DCAF6: variants seen among roughly 807,000 people sequenced by gnomAD.
DCAF6 encodes DDB1- and CUL4-associated factor 6.
DCAF6 carries 54 observed loss-of-function variants against 125.1 expected under a neutral mutation model. The ratio of observed to expected loss-of-function variants is 0.43; its 90% CI spans 0.35 to 0.54. DCAF6 has a LOEUF of 0.54. DCAF6 is among the 20% of genes least tolerant of loss of function. The pLI is 0.01. For missense variants in DCAF6, 934 were observed against 1,161.7 expected, an observed-to-expected ratio of 0.80 and a Z score of 2.85; for synonymous variants, 371 against 390.4, an observed-to-expected ratio of 0.95 and a Z score of 0.58.
the DCAF6 span, among the ~76,000 whole-genome samples, chr1:167,903,719 T>C: frequency 2.6e-5 from 4 of 152,230 alleles, no homozygotes; most frequent in Non-Finnish European, 5.9e-5. Context: ...TTATATTTAT[T>C]TCTTCAGTTA....
chr1:167,935,801 TG>T, upstream of DCAF6: 1 of 1,558,532 alleles, frequency 6.4e-7, no homozygotes, highest in South Asian at 1.2e-5. Context: ...GAGGAGCCGG[TG>T]GTAGGTGGCC....
the DCAF6 span, among the ~76,000 whole-genome samples, chr1:167,901,068 T>A: frequency 6.6e-6 from 1 of 152,230 alleles, no homozygotes; most frequent in Non-Finnish European, 1.5e-5. Flanking sequence ...ATGATGCCTG[T>A]ATCTCAGGAC....
At chr1:168,044,110 A>G (rs766604928) in intron 14 of DCAF6, among the ~76,000 whole-genome samples, 8 of 152,108 alleles carry the variant, frequency 5.3e-5, no homozygotes, top group Non-Finnish European at 1.0e-4. Context: ...TGTTTGTACA[A>G]TTTTGTGTGC....
At chr1:168,038,259 G>GA in intron 12 of DCAF6, 112 bp from the exon 13 acceptor site, 1 of 772,966 alleles carries the variant, frequency 1.3e-6, no homozygotes, top group Non-Finnish European at 2.1e-6. Flanking sequence ...TAACAGATGT[G>GA]AAAAAAGAAT....
At chr1:167,967,826 G>A (rs549244130) in intron 3 of DCAF6, among the ~76,000 whole-genome samples, 7 of 147,898 alleles carry the variant, frequency 4.7e-5, no homozygotes, top group East Asian at 2.0e-4. Context: ...TGCCTCCTGC[G>A]TTCAAGCGAT....
rs556658964 is a variant in DCAF6 at position 167,954,054 on chromosome 1, T to C, written c.159+2193T>C. 3.3e-5 allele frequency among the ~76,000 whole-genome samples: 5 copies of C among 152,284 alleles called. No homozygotes were observed. In the South Asian group the frequency reaches 1.0e-3, roughly 32 times the overall value. The stretch of plus-strand genomic sequence containing the variant: ...CTGAGTCTCACTCCGTCTTCCAGGC[T>C]GGAGTGGAGTGGCACAATCTCAGCT... On this transcript the variant is annotated intron_variant, in intron 2 of 21. Transcript: ENST00000367840.
At chr1:167,963,129 T>C (rs7535984) in intron 2 of DCAF6, among the ~76,000 whole-genome samples, 20,990 of 151,814 alleles carry the variant, frequency 0.14, 1,925 homozygotes, top group African/African-American at 0.26. Context: ...GCATAGTGGC[T>C]GGCAGGCACC....
the DCAF6 span, among the ~76,000 whole-genome samples, chr1:167,880,873 C>T: frequency 6.6e-6 from 1 of 152,190 alleles, no homozygotes; most frequent in Non-Finnish European, 1.5e-5. Context: ...CTTCGGCCTA[C>T]TCTCTCCTGT....
intron 1 of DCAF6, among the ~76,000 whole-genome samples, chr1:167,945,962 T>G (rs1037652870): frequency 6.6e-6 from 1 of 150,712 alleles, no homozygotes; most frequent in Non-Finnish European, 1.5e-5. Flanking sequence ...AGGGTTTTTT[T>G]TTTTTTTTTT....
intron 1 of DCAF6, among the ~76,000 whole-genome samples, chr1:167,942,645 T>C (rs897083162): frequency 2.0e-5 from 3 of 152,190 alleles, no homozygotes; most frequent in Non-Finnish European, 2.9e-5. Context: ...ACTTTTTTTT[T>C]CCTGGAGATT....
chr1:167,935,342 A>G (rs1671078968), upstream of DCAF6, among the ~76,000 whole-genome samples: 2 of 152,110 alleles, frequency 1.3e-5, no homozygotes, highest in Admixed American at 6.6e-5. Context: ...GCGACAAACC[A>G]CCCATCCAGC....
intron 13 of DCAF6, 50 bp from the exon 14 acceptor site, chr1:168,042,975 T>A (rs372136339): frequency 7.4e-7 from 1 of 1,347,138 alleles, no homozygotes; most frequent in African/African-American, 1.4e-5. Context: ...TCCTAAAAGA[T>A]CATATTGATT....
the DCAF6 span, among the ~76,000 whole-genome samples, chr1:167,884,171 A>G: frequency 1.3e-5 from 2 of 152,234 alleles, no homozygotes; most frequent in East Asian, 1.9e-4. Flanking sequence ...TCCCACTGTT[A>G]TAAAGAACTA....
chr1:168,019,516 T>G (rs1426248887), intron 11 of DCAF6: 1 of 454,648 alleles, frequency 2.2e-6, no homozygotes, highest in Non-Finnish European at 4.4e-6. Context: ...ATGGCTGATT[T>G]TAAGCCCAAC....
chr1:167,972,404 A>G (rs1677472873), intron 3 of DCAF6, among the ~76,000 whole-genome samples: 1 of 152,246 alleles, frequency 6.6e-6, no homozygotes, highest in Non-Finnish European at 1.5e-5. Context: ...GATAGGAATC[A>G]GATAAGCTTA....
intron 3 of DCAF6, among the ~76,000 whole-genome samples, chr1:167,973,293 T>C (rs1405957423): frequency 6.6e-6 from 1 of 152,242 alleles, no homozygotes; most frequent in South Asian, 2.1e-4. Flanking sequence ...TCTCAGGTGA[T>C]ATTGTGGTAC....
the DCAF6 span, among the ~76,000 whole-genome samples, chr1:167,895,659 G>T: frequency 1.7e-3 from 252 of 152,282 alleles, no homozygotes; most frequent in Non-Finnish European, 2.6e-3. Flanking sequence ...ATCTGTCCTA[G>T]AATTCAGGAC....
At chr1:167,962,968 A>G (rs892608007) in intron 2 of DCAF6, among the ~76,000 whole-genome samples, 1 of 151,262 alleles carries the variant, frequency 6.6e-6, no homozygotes, top group Non-Finnish European at 1.5e-5. Flanking sequence ...AAACAAACAA[A>G]CAAAAATGTT....
At chr1:168,005,914 C>A (rs1301155680) in intron 10 of DCAF6, among the ~76,000 whole-genome samples, 1 of 152,016 alleles carries the variant, frequency 6.6e-6, no homozygotes, top group Non-Finnish European at 1.5e-5. Flanking sequence ...GTTGACATAG[C>A]ATTTTAATTT....
Sources: gnomAD v4.1 joint callset for allele counts (sites outside exome capture counted in the v4.1 genomes callset) on GRCh38, gnomAD v4.1.1 for gene constraint, MANE v1.5 for transcripts, NCBI Gene and HGNC (gene_info 2026-07-23, HGNC 2026-07-21) for gene names.